The following FUT9 variants were observed in gnomAD, a reference collection of about 807,000 sequenced individuals.
FUT9 encodes the protein fucosyltransferase 9, also known as 4-galactosyl-N-acetylglucosaminide 3-alpha-L-fucosyltransferase 9.
Under a neutral mutation model 29.7 loss-of-function variants are expected in FUT9, and 15 were observed. The observed-to-expected ratio is 0.51, with a 90% confidence interval of 0.34 to 0.78. The LOEUF is 0.78. Ranked by LOEUF, FUT9 falls within the 30% of genes least tolerant of loss-of-function variation. FUT9 has a pLI of 0.01. For missense variants in FUT9, 319 were observed against 425.4 expected, an observed-to-expected ratio of 0.75 and a Z score of 2.20; for synonymous variants, 169 against 153.7, an observed-to-expected ratio of 1.10 and a Z score of -0.74.
At chr6:96,030,506 G>A (rs1280048542) in intron 1 of FUT9, among the ~76,000 whole-genome samples, 4 of 151,628 alleles carry the variant, frequency 2.6e-5, no homozygotes, top group African/African-American at 9.7e-5. Context: ...GGAGCAGTTG[G>A]AACACTGGTA....
At chr6:96,134,832 T>A (rs1328267272) in intron 2 of FUT9, among the ~76,000 whole-genome samples, 1 of 151,936 alleles carries the variant, frequency 6.6e-6, no homozygotes, top group Non-Finnish European at 1.5e-5. Context: ...TAGTATAGTT[T>A]GAATATTTTA....
At chr6:96,151,254 T>C (rs139897301) in intron 2 of FUT9, among the ~76,000 whole-genome samples, 49 of 152,328 alleles carry the variant, frequency 3.2e-4, no homozygotes, top group African/African-American at 1.1e-3. Context: ...GGGTAACTTC[T>C]ACTTCAATAT....
chr6:96,118,077 C>T (rs901326934), intron 2 of FUT9, among the ~76,000 whole-genome samples: 1 of 151,988 alleles, frequency 6.6e-6, no homozygotes, highest in South Asian at 2.1e-4. Flanking sequence ...TGGTGGTGCA[C>T]ACCTGTAGTC....
chr6:96,169,345 G>A (rs1199046525), intron 2 of FUT9, among the ~76,000 whole-genome samples: 1 of 152,180 alleles, frequency 6.6e-6, no homozygotes, highest in Non-Finnish European at 1.5e-5. Flanking sequence ...TGGAGGATAA[G>A]GTTATTTGAG....
At chr6:96,153,262 T>A (rs1443639942) in intron 2 of FUT9, among the ~76,000 whole-genome samples, 1 of 152,178 alleles carries the variant, frequency 6.6e-6, no homozygotes, top group Non-Finnish European at 1.5e-5. Flanking sequence ...TATCAGACCA[T>A]CTGGGACTGT....
chr6:96,174,330 A>T (rs1421586126), intron 2 of FUT9, among the ~76,000 whole-genome samples: 2 of 152,124 alleles, frequency 1.3e-5, no homozygotes, highest in African/African-American at 4.8e-5. Context: ...ATTACTAATA[A>T]CTGTTTTCAA....
intron 2 of FUT9, among the ~76,000 whole-genome samples, chr6:96,158,005 A>T (rs1772822829): frequency 6.6e-6 from 1 of 152,196 alleles, no homozygotes; most frequent in African/African-American, 2.4e-5. Flanking sequence ...AGTCTTAAAG[A>T]ATCACTAATA....
intron 2 of FUT9, among the ~76,000 whole-genome samples, chr6:96,131,758 C>T (rs1359912057): frequency 6.6e-6 from 1 of 152,012 alleles, no homozygotes; most frequent in Non-Finnish European, 1.5e-5. Context: ...ATTATGGAAA[C>T]CAAAAGAAGT....
rs370221635 is a variant in FUT9 at position 96,054,699 on chromosome 6, T to C, written c.-98+38487T>C. On this transcript the variant is annotated intron_variant, in intron 1 of 2. Coordinates refer to ENST00000302103, the MANE Select transcript of FUT9 (RefSeq NM_006581.4). Reference sequence around the variant, plus strand: ...AGGCAGAAATATTGATATCAGCACATGGAAGAGCCCTAACCACATATTACC... The same window carrying C: ...AGGCAGAAATATTGATATCAGCACACGGAAGAGCCCTAACCACATATTACC... 5.9e-5 allele frequency among the ~76,000 whole-genome samples: 9 copies of C among 152,292 alleles called. 1 individual carries two copies. Among genetic ancestry groups the C allele is most frequent in the African/African-American group, 1.9e-4 (8 of 41,574 alleles).
rs1773924847 is a variant in FUT9 at position 96,210,891 on chromosome 6, A to C, written c.*6656A>C. ...ATGTGCAAGTTACTCAACTTCTCTT[A>C]TCCTCAGATTTTGCAGCTGTAAAGC... On this transcript the variant is annotated 3_prime_UTR_variant, in exon 3 of 3. Coordinates refer to ENST00000302103, the MANE Select transcript of FUT9 (RefSeq NM_006581.4). 2 of 166,772 alleles carry C rather than the reference A, an allele frequency of 1.2e-5. No individual in the cohort carries two copies. Among genetic ancestry groups the C allele is most frequent in the South Asian group, 4.1e-4 (2 of 4,828 alleles). 10.3% of individuals were successfully genotyped at this position (166,772 alleles called of 1,614,324 possible). A position where few individuals can be genotyped will look rare whatever the true frequency, so the allele number is the denominator to read the frequency against.
At chr6:96,088,411 T>C (rs1019055645) in intron 1 of FUT9, among the ~76,000 whole-genome samples, 12 of 152,210 alleles carry the variant, frequency 7.9e-5, no homozygotes, top group African/African-American at 2.9e-4. Context: ...TTGAACAATT[T>C]TAAACTTTTG....
chr6:96,153,273 A>G (rs9485770), intron 2 of FUT9, among the ~76,000 whole-genome samples: 2,965 of 152,232 alleles, frequency 0.019, 87 homozygotes, highest in African/African-American at 0.067. Context: ...CTGGGACTGT[A>G]TTCCCTTCAT....
intron 1 of FUT9, among the ~76,000 whole-genome samples, chr6:96,110,160 C>G (rs1156926059): frequency 6.6e-6 from 1 of 152,160 alleles, no homozygotes; most frequent in South Asian, 2.1e-4. Flanking sequence ...TCAGTCAGTT[C>G]TTTCTCAGCT....
At chr6:96,113,700 A>C (rs1285433471) in intron 1 of FUT9, among the ~76,000 whole-genome samples, 1 of 151,702 alleles carries the variant, frequency 6.6e-6, no homozygotes, top group East Asian at 2.0e-4. Context: ...AAAATACAAA[A>C]AAAATTAGCC....
At chr6:96,172,557 T>G (rs1299960350) in intron 2 of FUT9, among the ~76,000 whole-genome samples, 6 of 152,024 alleles carry the variant, frequency 3.9e-5, no homozygotes, top group Admixed American at 3.9e-4. Context: ...TTCTAGGAAA[T>G]TAGGGTCTTA....
At chr6:96,146,426 A>G (rs1432944378) in intron 2 of FUT9, among the ~76,000 whole-genome samples, 1 of 152,222 alleles carries the variant, frequency 6.6e-6, no homozygotes, top group Non-Finnish European at 1.5e-5. Context: ...GCCTAATTTA[A>G]ACATAAAAAT....
At chr6:96,114,656 TA>T (rs1771877010) in intron 2 of FUT9, among the ~76,000 whole-genome samples, 1 of 151,450 alleles carries the variant, frequency 6.6e-6, no homozygotes, top group African/African-American at 2.4e-5. Context: ...TTTAATAAGT[TA>T]AATAAAAAAA....
chr6:96,191,470 A>G (rs567657881), intron 2 of FUT9, among the ~76,000 whole-genome samples: 154 of 152,328 alleles, frequency 1.0e-3, no homozygotes, highest in African/African-American at 3.6e-3. Context: ...CAAATAAACT[A>G]GAAAATCTAG....
At chr6:96,018,401 T>A (rs1770016475) in intron 1 of FUT9, among the ~76,000 whole-genome samples, 1 of 152,126 alleles carries the variant, frequency 6.6e-6, no homozygotes, top group Admixed American at 6.5e-5. Flanking sequence ...TCTATGAGAA[T>A]CCAAATAACT....
Sources: allele counts gnomAD v4.1 joint callset (sites outside exome capture counted in the v4.1 genomes callset), GRCh38; gene constraint gnomAD v4.1.1; transcripts MANE v1.5; gene names NCBI Gene and HGNC (gene_info 2026-07-23, HGNC 2026-07-21).